Variants in RARG observed in about 807,000 individuals in gnomAD.
The protein encoded by RARG is RAR-gamma.
In RARG, 17 loss-of-function variants were observed where a neutral mutation model predicts 43.7. The observed-to-expected ratio is 0.39, with a 90% CI of 0.27 to 0.58. The LOEUF (loss-of-function observed/expected upper bound fraction) is 0.58, where lower values mean the gene tolerates loss of function less well. Among genes scored for constraint, RARG ranks in the 20% least tolerant of loss-of-function variants. The pLI, the probability that RARG is intolerant of heterozygous loss-of-function variation, is 0.57. For synonymous variants in RARG, 238 were observed against 236.4 expected (o/e 1.01, Z -0.06); for missense variants, 346 against 598.7 (o/e 0.58, Z 4.40).
At chr12:53,212,623 A>T (rs1431031501) in intron 9 of RARG, among the ~76,000 whole-genome samples, 5 of 152,102 alleles carry the variant, frequency 3.3e-5, no homozygotes, top group Non-Finnish European at 5.9e-5. Flanking sequence ...ATTGTATATT[A>T]ACTAATTTAG....
intron 3 of RARG, among the ~76,000 whole-genome samples, chr12:53,219,426 C>T (rs1230368228): frequency 2.0e-5 from 3 of 152,212 alleles, no homozygotes; most frequent in Non-Finnish European, 4.4e-5. Context: ...CACGCCCTCC[C>T]GGCCTCACGC....
Position 53,215,519 on chromosome 12 carries a change from C to T in RARG, c.334-85G>A, listed in dbSNP as rs1942735922. 6.3e-7 allele frequency: 1 copy of T among 1,596,546 alleles called. No individual in the cohort carries two copies. The highest frequency in any genetic ancestry group is 8.6e-7 in the Non-Finnish European group (1 of 1,167,748). On this transcript the variant is annotated intron_variant, in intron 4 of 9. Coordinates refer to ENST00000425354, the MANE Select transcript of RARG (RefSeq NM_000966.6). The surrounding 1 kb of genome is among the most constrained non-coding windows in gnomAD (Gnocchi z 6.4). ...CACTGGCCTTGCAGGTTGCCCCAAG[C>T]CTGACCTAATCTATTAACCACCTAT...
Position 53,214,622 on chromosome 12 carries a change from G to A in RARG, c.476-16C>T, listed in dbSNP as rs143020702. 2.5e-5 allele frequency: 39 copies of A among 1,590,224 alleles called. 1 individual carries two copies. In the Middle Eastern group the frequency reaches 8.4e-4, roughly 34 times the overall value. ...TTTCGCACAGCTTGTGGGTGGAGGC[G>A]CAAGGAGAGGGTCAGGACCCTCAGA... On this transcript the variant is annotated splice_polypyrimidine_tract_variant and intron_variant, in intron 5 of 9. Transcript: ENST00000425354.
In RARG at chr12:53,214,149, G is replaced by A. The variant is rs547010641; in HGVS notation, c.723C>T (p.Ile241=). 12 of 1,613,962 alleles carry A rather than the reference G, an allele frequency of 7.4e-6. No homozygotes were observed. The highest frequency in any genetic ancestry group is 4.4e-5 in the South Asian group (4 of 91,080). The change falls in exon 7 of 10, where the codon ATC becomes ATT. Residue 241 remains isoleucine, a synonymous_variant. Coordinates refer to ENST00000425354, the MANE Select transcript of RARG (RefSeq NM_000966.6). The part of the protein sequence containing the change: ...SELATKCIIK[I]VEFAKRLPGF... ...CAGGCAACCGCTTGGCAAACTCCACGATCTTGATGATGCACTTGGTAGCCA... is the reference window on the plus strand; with the variant it reads ...CAGGCAACCGCTTGGCAAACTCCACAATCTTGATGATGCACTTGGTAGCCA...
At position 53,213,287 on chromosome 12, in the gene RARG, G is replaced by A. The variant is rs1408442084; in HGVS notation, c.1019-44C>T. ...TGGAGTGAGAGGGGAAGGAAGAGAT[G>A]GGGAAGACACAGTGACAGATGGCTG... On this transcript the variant is annotated intron_variant, in intron 8 of 9. Coordinates refer to ENST00000425354, the MANE Select transcript of RARG (RefSeq NM_000966.6). The surrounding 1 kb of genome is among the most constrained non-coding windows in gnomAD (Gnocchi z 4.7). 1.4e-5 allele frequency: 22 copies of A among 1,519,142 alleles called. No homozygotes were observed. The highest frequency in any genetic ancestry group is 2.0e-5 in the Non-Finnish European group (22 of 1,100,926). 94.1% of individuals were successfully genotyped at this position (1,519,142 alleles called of 1,614,324 possible).
intron 3 of RARG, among the ~76,000 whole-genome samples, chr12:53,222,636 C>T (rs1283911074): frequency 6.6e-6 from 1 of 152,188 alleles, no homozygotes; most frequent in Non-Finnish European, 1.5e-5. Flanking sequence ...GCACCCCACT[C>T]ATCACCCCAT....
chr12:53,230,358 G>A (rs1011399407), intron 2 of RARG, among the ~76,000 whole-genome samples: 4 of 151,928 alleles, frequency 2.6e-5, no homozygotes, highest in African/African-American at 7.3e-5. Flanking sequence ...TTTCCCTGTC[G>A]CCCTGCCCGC....
chr12:53,224,762 C>T (rs1943067158), intron 3 of RARG, among the ~76,000 whole-genome samples: 1 of 151,874 alleles, frequency 6.6e-6, no homozygotes, highest in Non-Finnish European at 1.5e-5. Context: ...TCCTTCCAGG[C>T]TAGCCGCACC....
In RARG at chr12:53,213,596, G is replaced by C; in HGVS notation, c.918C>G (p.Pro306=). Reference sequence around the variant, plus strand: ...CAAAGGCAAAGACAAGGTCTGTGAGGGGCCCGAAGCCGGCATTGTGCATCT... The same window carrying C: ...CAAAGGCAAAGACAAGGTCTGTGAGCGGCCCGAAGCCGGCATTGTGCATCT... ...RTQMHNAGFG[P]LTDLVFAFAG... The change falls in exon 8 of 10, where the codon CCC becomes CCG. Residue 306 remains proline (P), a synonymous_variant. Transcript: ENST00000425354. The surrounding 1 kb of genome is among the most constrained non-coding windows in gnomAD (Gnocchi z 4.7). 1 of 1,614,172 alleles carries C rather than the reference G, an allele frequency of 6.2e-7. No homozygotes were observed. Among genetic ancestry groups the C allele is most frequent in the Non-Finnish European group, 8.5e-7 (1 of 1,180,004 alleles).
At chr12:53,220,954 G>A (rs946679967) in intron 3 of RARG, among the ~76,000 whole-genome samples, 1 of 151,736 alleles carries the variant, frequency 6.6e-6, no homozygotes, top group African/African-American at 2.4e-5. Context: ...GCCCGCTTCA[G>A]GGCCGAAAAG....
At chr12:53,221,315 C>G (rs1225051020) in intron 3 of RARG, among the ~76,000 whole-genome samples, 1 of 152,136 alleles carries the variant, frequency 6.6e-6, no homozygotes, top group African/African-American at 2.4e-5. Context: ...GATGCTCCTT[C>G]TTCGAACATA....
chr12:53,227,387 G>C lies in RARG; in HGVS notation c.159C>G (p.Asp53Glu), dbSNP rs1285968095. Residue 53 changes from aspartate (D) to glutamate (E), a missense_variant, in exon 3 of 10, where the codon GAC becomes GAG. Coordinates refer to ENST00000425354, the MANE Select transcript of RARG (RefSeq NM_000966.6). The surrounding 1 kb of genome is among the most constrained non-coding windows in gnomAD (Gnocchi z 4.3). ...SPSFRGLGQP[D>E]LPKEMASLSV... ...ACAGAGAGGCCATCTCCTTGGGGAGGTCAGGCTGGCCCAGGCCCCGGAAGC... is the reference window on the plus strand; with the variant it reads ...ACAGAGAGGCCATCTCCTTGGGGAGCTCAGGCTGGCCCAGGCCCCGGAAGC... 1 of 1,593,296 alleles carries C rather than the reference G, an allele frequency of 6.3e-7. No homozygotes were observed. Among genetic ancestry groups the C allele is most frequent in the Admixed American group, 1.8e-5 (1 of 56,310 alleles).
intron 3 of RARG, chr12:53,219,859 C>T: frequency 1.3e-5 from 16 of 1,247,216 alleles, no homozygotes; most frequent in East Asian, 2.7e-5. Context: ...GAAGCTCCTC[C>T]TTGCACCTCA....
chr12:53,224,826 C>T (rs1035654633), intron 3 of RARG, among the ~76,000 whole-genome samples: 10 of 152,148 alleles, frequency 6.6e-5, no homozygotes, highest in African/African-American at 2.4e-4. Flanking sequence ...CTCCTTTCAG[C>T]CCCCTCCTTC....
At chr12:53,222,262 A>AAAG (rs1565727682) in intron 3 of RARG, among the ~76,000 whole-genome samples, 136 of 149,986 alleles carry the variant, frequency 9.1e-4, no homozygotes, top group Middle Eastern at 6.8e-3. Flanking sequence ...AAGAAAGAAG[A>AAAG]AAGAAAAAGG....
rs1942677352 is a variant in RARG at position 53,213,754 on chromosome 12, G to A, written c.814-54C>T. ...TGCTGTTTCTGGGGGATGGGGAAAAGAGGGAATGAGTGGAAAGTGAGGAGG... is the reference window on the plus strand; with the variant it reads ...TGCTGTTTCTGGGGGATGGGGAAAAAAGGGAATGAGTGGAAAGTGAGGAGG... On this transcript the variant is annotated intron_variant, in intron 7 of 9. Transcript: ENST00000425354. This position sits in a 1 kb window ranked among gnomAD's most constrained non-coding sequence, Gnocchi z 4.7. 7.3e-6 allele frequency: 11 copies of A among 1,509,830 alleles called. No homozygotes were observed. In the East Asian group the frequency reaches 1.6e-4, roughly 22 times the overall value. The allele number at this position is 1,509,830 out of a possible 1,614,324, so 93.5% of individuals were successfully genotyped here. A position where few individuals can be genotyped will look rare whatever the true frequency, so the allele number is the denominator to read the frequency against.
chr12:53,214,071 G>A lies in RARG; in HGVS notation c.801C>T (p.Cys267=). ...ADQITLLKAA[C]LDILMLRICT... ...GGGCCTAACTTACCAGGATATCTAGGCAGGCAGCTTTGAGCAGAGTGATCT... is the reference window on the plus strand; with the variant it reads ...GGGCCTAACTTACCAGGATATCTAGACAGGCAGCTTTGAGCAGAGTGATCT... Residue 267 remains cysteine (C), a synonymous_variant, in exon 7 of 10, where the codon TGC becomes TGT. Transcript: ENST00000425354. The A allele has an allele frequency of 6.2e-7, 1 of 1,612,920 alleles. No homozygotes were observed. The highest frequency in any genetic ancestry group is 8.5e-7 in the Non-Finnish European group (1 of 1,179,570).
At chr12:53,212,937 C>G (rs1942644960) in intron 9 of RARG, 148 bp downstream of exon 9, 1 of 1,002,766 alleles carries the variant, frequency 1.0e-6, no homozygotes, top group Admixed American at 3.2e-5. Flanking sequence ...TGCCCAAAGT[C>G]TCCCACTACT....
chr12:53,219,490 T>C (rs754868243), intron 3 of RARG, among the ~76,000 whole-genome samples: 6 of 152,198 alleles, frequency 3.9e-5, no homozygotes, highest in Admixed American at 1.3e-4. Flanking sequence ...CAGGCGACAC[T>C]GGTGGAGAGA....
Sources: allele counts gnomAD v4.1 joint callset (sites outside exome capture counted in the v4.1 genomes callset), GRCh38; gene constraint gnomAD v4.1.1; non-coding constraint Gnocchi (gnomAD v3.1); transcripts MANE v1.5; gene names NCBI Gene and HGNC (gene_info 2026-07-23, HGNC 2026-07-21).